Variants in TBL1XR1 observed in about 807,000 individuals in gnomAD.
TBL1XR1 encodes the protein TBL1X/Y related 1.
Under a neutral mutation model 66.9 loss-of-function variants are expected in TBL1XR1, and 5 were observed. That is an observed-to-expected ratio of 0.07 (90% CI 0.04 to 0.16). The LOEUF (loss-of-function observed/expected upper bound fraction) is 0.16, where lower values mean the gene tolerates loss of function less well. Among genes scored for constraint, TBL1XR1 ranks in the 10% least tolerant of loss-of-function variants. TBL1XR1 has a pLI of 1.00. For synonymous variants in TBL1XR1, 210 were observed against 206.0 expected (o/e 1.02, Z -0.17); for missense variants, 238 against 623.2 (o/e 0.38, Z 6.58).
At chr3:177,101,557 A>T (rs780854896) in intron 1 of TBL1XR1, among the ~76,000 whole-genome samples, 1 of 152,202 alleles carries the variant, frequency 6.6e-6, no homozygotes, top group Non-Finnish European at 1.5e-5. Flanking sequence ...TTATAAGAAG[A>T]GCAAAAGGGA....
chr3:177,056,388 TC>T (rs578211426), intron 3 of TBL1XR1, among the ~76,000 whole-genome samples: 5 of 152,306 alleles, frequency 3.3e-5, no homozygotes, highest in African/African-American at 1.2e-4. Context: ...GTTGCAGATA[TC>T]CTGAATTTGT....
chr3:177,174,945 A>C (rs1273745710), intron 1 of TBL1XR1, among the ~76,000 whole-genome samples: 1 of 152,150 alleles, frequency 6.6e-6, no homozygotes, highest in Non-Finnish European at 1.5e-5. Flanking sequence ...CTGCTTACCA[A>C]TTTCCAGCTC....
intron 1 of TBL1XR1, among the ~76,000 whole-genome samples, chr3:177,111,736 T>C (rs1002702930): frequency 1.3e-5 from 2 of 152,102 alleles, no homozygotes; most frequent in Non-Finnish European, 2.9e-5. Context: ...TGCCATACCC[T>C]ATATGGTGGC....
At chr3:177,179,497 G>A (rs183208650) in intron 1 of TBL1XR1, among the ~76,000 whole-genome samples, 1 of 152,306 alleles carries the variant, frequency 6.6e-6, no homozygotes, top group East Asian at 1.9e-4. Flanking sequence ...ATTCTTAAGA[G>A]ATAAGTCATG....
chr3:177,086,872 C>T (rs1292953116), intron 2 of TBL1XR1: 1 of 151,140 alleles, frequency 6.6e-6, no homozygotes, highest in Non-Finnish European at 1.5e-5. Flanking sequence ...AACACACACA[C>T]CTTACATGTT....
At chr3:177,086,972 T>G (rs1398383379) in intron 2 of TBL1XR1, 1 of 150,422 alleles carries the variant, frequency 6.6e-6, no homozygotes, top group Non-Finnish European at 1.5e-5. Flanking sequence ...TACCATTCAT[T>G]AAATGGAAGT....
chr3:177,133,672 C>T (rs1192888427), intron 1 of TBL1XR1, among the ~76,000 whole-genome samples: 3 of 151,950 alleles, frequency 2.0e-5, no homozygotes, highest in African/African-American at 7.3e-5. Flanking sequence ...GAGGCGGAGG[C>T]AGATGGATCA....
intron 2 of TBL1XR1, among the ~76,000 whole-genome samples, chr3:177,066,431 G>T (rs1719175096): frequency 6.6e-6 from 1 of 152,142 alleles, no homozygotes; most frequent in African/African-American, 2.4e-5. Context: ...GGGAAGGGAG[G>T]GAGTGAACAG....
At chr3:177,200,081 T>C (rs142029693), upstream of TBL1XR1, among the ~76,000 whole-genome samples, 8 of 152,186 alleles carry the variant, frequency 5.3e-5, no homozygotes, top group East Asian at 1.5e-3. Flanking sequence ...CAAGCGATTC[T>C]CCTGTCTCAG....
rs141738292 is a variant in TBL1XR1 at position 177,099,641 on chromosome 3, C to G, written c.-121-1100G>C. 7.2e-3 allele frequency among the ~76,000 whole-genome samples: 1,096 copies of G among 152,338 alleles called. 19 individuals are homozygous for G. The highest frequency in any genetic ancestry group is 0.025 in the African/African-American group (1,034 of 41,584). The stretch of plus-strand genomic sequence containing the variant: ...CTTCAAAACAGGGCGTGGGCGTGAG[C>G]CCCCAAGGTTTGTTGCCTAGAGGCA... On this transcript the variant is annotated intron_variant, in intron 1 of 15. Transcript: ENST00000457928.
At chr3:177,105,510 C>G (rs1724771319) in intron 1 of TBL1XR1, among the ~76,000 whole-genome samples, 1 of 152,224 alleles carries the variant, frequency 6.6e-6, no homozygotes, top group African/African-American at 2.4e-5. Context: ...TAATAGATTT[C>G]TCACTCTTCC....
At chr3:177,190,897 T>TG (rs758721873) in intron 1 of TBL1XR1, among the ~76,000 whole-genome samples, 1 of 152,092 alleles carries the variant, frequency 6.6e-6, no homozygotes, top group Non-Finnish European at 1.5e-5. Flanking sequence ...ACATCGTAGT[T>TG]GGGGCAACAA....
intron 1 of TBL1XR1, among the ~76,000 whole-genome samples, chr3:177,170,222 T>G (rs1197452902): frequency 6.6e-6 from 1 of 152,162 alleles, no homozygotes; most frequent in East Asian, 1.9e-4. Context: ...TTCCAAAGCT[T>G]TGGCTTATCC....
chr3:177,081,727 G>A lies in TBL1XR1; in HGVS notation c.-45-16705C>T, dbSNP rs537959352. 1.2e-4 allele frequency among the ~76,000 whole-genome samples: 16 copies of A among 134,022 alleles called. No individual in the cohort carries two copies. In the East Asian group the frequency reaches 3.2e-3, roughly 27 times the overall value. 87.9% of individuals were successfully genotyped at this position (134,022 alleles called of 152,430 possible). A position where few individuals can be genotyped will look rare whatever the true frequency, so the allele number is the denominator to read the frequency against. On this transcript the variant is annotated intron_variant, in intron 2 of 15. Coordinates refer to ENST00000457928, the MANE Select transcript of TBL1XR1 (RefSeq NM_024665.7). ...CATGCACTCCAGCCTGACTAGATAA[G>A]GCAAGACCCTGACTTCAAAAAAAAA...
In TBL1XR1 at chr3:177,023,685, A is replaced by G. The variant is rs1397051055; in HGVS notation, c.*1813T>C. 2 of 152,578 alleles carry G rather than the reference A, an allele frequency of 1.3e-5. No homozygotes were observed. Among genetic ancestry groups the G allele is most frequent in the African/African-American group, 4.8e-5 (2 of 41,454 alleles). The allele number at this position is 152,578 out of a possible 1,614,324, so 9.5% of individuals were successfully genotyped here. A position where few individuals can be genotyped will look rare whatever the true frequency, so the allele number is the denominator to read the frequency against. On this transcript the variant is annotated 3_prime_UTR_variant, in exon 16 of 16. Transcript: ENST00000457928. The stretch of plus-strand genomic sequence containing the variant: ...CTTAGTAAAACCAAGACTTGCTTCA[A>G]TCAATGCTGTTTTGTAAAAATAGCA...
At chr3:177,174,408 CAAAA>C (rs59132617) in intron 1 of TBL1XR1, among the ~76,000 whole-genome samples, 5 of 58,300 alleles carry the variant, frequency 8.6e-5, no homozygotes, top group Middle Eastern at 0.011. Flanking sequence ...GACTCCATCT[CAAAA>C]AAAAAAAAAA....
At position 177,064,817 on chromosome 3, in the gene TBL1XR1, C is replaced by A. The variant is rs1448821328; in HGVS notation, c.58+103G>T. On this transcript the variant is annotated intron_variant, in intron 3 of 15. Coordinates refer to ENST00000457928, the MANE Select transcript of TBL1XR1 (RefSeq NM_024665.7). Reference sequence around the variant, plus strand: ...GCAGTCCAGACATTAAGAAAACATACAAAGTTCAACGGTTTGGACTGATAC... The same window carrying A: ...GCAGTCCAGACATTAAGAAAACATAAAAAGTTCAACGGTTTGGACTGATAC... The A allele has an allele frequency of 2.3e-5, 18 of 783,068 alleles. No homozygotes were observed. The East Asian group carries it at 4.7e-4, about 21-fold the overall frequency. The allele number at this position is 783,068 out of a possible 1,614,324, so 48.5% of individuals were successfully genotyped here.
intron 1 of TBL1XR1, among the ~76,000 whole-genome samples, chr3:177,193,351 C>T (rs1328288779): frequency 6.6e-6 from 1 of 151,736 alleles, no homozygotes; most frequent in African/African-American, 2.4e-5. Flanking sequence ...CCCTCTATCG[C>T]CCAGGCTGGA....
intron 1 of TBL1XR1, among the ~76,000 whole-genome samples, chr3:177,100,105 G>C (rs1032455620): frequency 1.3e-5 from 2 of 152,110 alleles, no homozygotes; most frequent in Admixed American, 6.5e-5. Context: ...CAGGCATGGT[G>C]GCGCATGGCT....
Sources: gnomAD v4.1 joint callset for allele counts (sites outside exome capture counted in the v4.1 genomes callset) on GRCh38, gnomAD v4.1.1 for gene constraint, MANE v1.5 for transcripts, NCBI Gene and HGNC (gene_info 2026-07-23, HGNC 2026-07-21) for gene names.